C7orf33: variants seen among roughly 807,000 people sequenced by gnomAD.
C7orf33 encodes the protein uncharacterized protein C7orf33.
Under a neutral mutation model 13.4 loss-of-function variants are expected in C7orf33, and 15 were observed. The ratio of observed to expected loss-of-function variants is 1.12; its 90% CI spans 0.75 to 1.72. The LOEUF (loss-of-function observed/expected upper bound fraction) is 1.72. Ranked by LOEUF, C7orf33 falls within the 40% of genes most tolerant of loss-of-function variation. C7orf33 has a pLI of 0.00. For missense variants in C7orf33, 187 were observed against 220.3 expected, an observed-to-expected ratio of 0.85 and a Z score of 0.96; for synonymous variants, 73 against 83.2, an observed-to-expected ratio of 0.88 and a Z score of 0.67.
rs62507016 is a variant in C7orf33, at chr7:148,595,656, G to C, written c.204+4527G>C. Among the ~76,000 whole-genome samples, 390 of 67,916 alleles carry C rather than the reference G, an allele frequency of 5.7e-3. 4 individuals carry two copies. Among genetic ancestry groups the C allele is most frequent in the Middle Eastern group, 0.022 (3 of 136 alleles). The allele number at this position is 67,916 out of a possible 152,430, so 44.6% of individuals were successfully genotyped here. On this transcript the variant is annotated intron_variant, in intron 1 of 2. Coordinates refer to ENST00000307003, the MANE Select transcript of C7orf33 (RefSeq NM_145304.4). ...ATCTATATTATATAGATATAATATA[G>C]ATCTATATTATATAGATATAATATA...
intron 1 of C7orf33, among the ~76,000 whole-genome samples, chr7:148,603,962 C>T (rs1032278279): frequency 2.6e-5 from 4 of 152,098 alleles, no homozygotes; most frequent in Admixed American, 1.3e-4. Context: ...TATAGCAGCA[C>T]AATTCCCAAT....
intron 1 of C7orf33, among the ~76,000 whole-genome samples, chr7:148,593,671 G>C (rs551820051): frequency 9.9e-5 from 15 of 152,248 alleles, no homozygotes; most frequent in Middle Eastern, 3.4e-3. Context: ...TCCTCTGACT[G>C]GGTGTTTAAT....
rs780615685 is a variant in C7orf33 at position 148,591,147 on chromosome 7, A to C, written c.204+18A>C. ...GACATAAGGTAAGTTAATGATTCTAAGATGAATCAACTGCTCTTTGAGTCA... is the reference window on the plus strand; with the variant it reads ...GACATAAGGTAAGTTAATGATTCTACGATGAATCAACTGCTCTTTGAGTCA... On this transcript the variant is annotated intron_variant, in intron 1 of 2. Transcript: ENST00000307003. 12 of 1,579,618 alleles carry C rather than the reference A, an allele frequency of 7.6e-6. No homozygotes were observed. In the South Asian group the frequency reaches 1.2e-4, roughly 16 times the overall value.
intron 1 of C7orf33, among the ~76,000 whole-genome samples, chr7:148,608,776 C>G (rs1168453336): frequency 6.6e-6 from 1 of 152,158 alleles, no homozygotes; most frequent in Non-Finnish European, 1.5e-5. Flanking sequence ...ACGGTCACAC[C>G]TCTGCACTCC....
intron 1 of C7orf33, among the ~76,000 whole-genome samples, chr7:148,603,354 C>T (rs1015124863): frequency 2.6e-5 from 4 of 151,960 alleles, no homozygotes; most frequent in African/African-American, 7.3e-5. Flanking sequence ...GCCAGGAGCT[C>T]GAGACCAGCC....
At chr7:148,611,589 A>G (rs1029144190) in intron 1 of C7orf33, among the ~76,000 whole-genome samples, 1 of 152,070 alleles carries the variant, frequency 6.6e-6, no homozygotes, top group African/African-American at 2.4e-5. Flanking sequence ...CTCAATAAAA[A>G]CTTGCACTTA....
At chr7:148,598,256 G>A (rs1197223172) in intron 1 of C7orf33, among the ~76,000 whole-genome samples, 4 of 151,958 alleles carry the variant, frequency 2.6e-5, no homozygotes, top group Non-Finnish European at 4.4e-5. Flanking sequence ...TTTCATTGCT[G>A]TTTTGTGTGC....
chr7:148,613,948 A>T, intron 1 of C7orf33, 94 bp from the exon 2 acceptor site: 1 of 1,274,602 alleles, frequency 7.8e-7, no homozygotes, highest in Non-Finnish European at 1.1e-6. Flanking sequence ...GCTACTTAGT[A>T]GCCTCAAAAG....
chr7:148,594,412 G>A (rs1228150456), intron 1 of C7orf33, among the ~76,000 whole-genome samples: 4 of 152,062 alleles, frequency 2.6e-5, no homozygotes. Context: ...TCCTGACATT[G>A]TGATCTGCCC....
intron 2 of C7orf33, 46 bp downstream of exon 2, chr7:148,614,342 C>A (rs1449651133): frequency 6.4e-7 from 1 of 1,574,544 alleles, no homozygotes; most frequent in Admixed American, 1.8e-5. Flanking sequence ...AGGAAACCCA[C>A]GGGATGCTCT....
intron 1 of C7orf33, among the ~76,000 whole-genome samples, chr7:148,598,044 G>A (rs1202251132): frequency 3.9e-5 from 6 of 152,104 alleles, no homozygotes; most frequent in South Asian, 2.1e-4. Flanking sequence ...AGTGAGCCAC[G>A]GCGCCCAGCC....
chr7:148,603,445 G>T (rs879787608), intron 1 of C7orf33, among the ~76,000 whole-genome samples: 1 of 152,090 alleles, frequency 6.6e-6, no homozygotes, highest in Non-Finnish European at 1.5e-5. Context: ...GGCAGAGGCT[G>T]CAATGAGCCA....
chr7:148,600,276 CT>C (rs777931465), intron 1 of C7orf33, among the ~76,000 whole-genome samples: 7 of 152,152 alleles, frequency 4.6e-5, no homozygotes, highest in Admixed American at 3.3e-4. Flanking sequence ...CAAGACCAGC[CT>C]GGCCAATGTG....
chr7:148,598,797 GAGAGAGAGAGAGAGAGAGAA>G, intron 1 of C7orf33, among the ~76,000 whole-genome samples: 1 of 140,608 alleles, frequency 7.1e-6, no homozygotes, highest in Non-Finnish European at 1.5e-5. Context: ...GAGAGAGAGA[GAGAGAGAGAGAGAGAGAGAA>G]TGAGAATATA....
rs559421955 is a variant in C7orf33, at chr7:148,599,021, C to T, written c.204+7892C>T. Among the ~76,000 whole-genome samples the T allele has an allele frequency of 4.6e-5, 7 of 151,878 alleles. No individual in the cohort carries two copies. The South Asian group carries it at 1.5e-3, about 32-fold the overall frequency. On this transcript the variant is annotated intron_variant, in intron 1 of 2. Coordinates refer to ENST00000307003, the MANE Select transcript of C7orf33 (RefSeq NM_145304.4). ...GGGATTACAAGCACTTGCCACCACA[C>T]CTGGCTAATTTTTGTATTTTTAGTA...
chr7:148,600,724 CT>C (rs1796402040), intron 1 of C7orf33, among the ~76,000 whole-genome samples: 1 of 149,886 alleles, frequency 6.7e-6, no homozygotes, highest in Non-Finnish European at 1.5e-5. Flanking sequence ...AGGGTTCTGT[CT>C]TATTAATCTT....
intron 1 of C7orf33, among the ~76,000 whole-genome samples, chr7:148,610,710 G>T (rs1214291981): frequency 6.6e-6 from 1 of 152,154 alleles, no homozygotes; most frequent in East Asian, 1.9e-4. Flanking sequence ...GCTGAGCCTT[G>T]TGAGAGATCA....
chr7:148,598,934 C>T (rs1796382254), intron 1 of C7orf33, among the ~76,000 whole-genome samples: 1 of 151,834 alleles, frequency 6.6e-6, no homozygotes, highest in Non-Finnish European at 1.5e-5. Flanking sequence ...ACGATCTTGG[C>T]TCACTGCAAC....
At chr7:148,597,902 C>A (rs376470493) in intron 1 of C7orf33, among the ~76,000 whole-genome samples, 5 of 152,230 alleles carry the variant, frequency 3.3e-5, no homozygotes, top group Admixed American at 6.5e-5. Flanking sequence ...ACTACAGGTG[C>A]CTGCCACCAT....
Sources: allele counts gnomAD v4.1 joint callset (sites outside exome capture counted in the v4.1 genomes callset), GRCh38; gene constraint gnomAD v4.1.1; transcripts MANE v1.5; gene names NCBI Gene and HGNC (gene_info 2026-07-23, HGNC 2026-07-21).